Variants in TSHZ3 observed in about 807,000 individuals in gnomAD.
TSHZ3 encodes teashirt homolog 3.
A neutral mutation model predicts 64.5 loss-of-function variants in TSHZ3; 10 were observed. That is an observed-to-expected ratio of 0.16 (90% CI 0.10 to 0.26). The LOEUF is 0.26. TSHZ3 is among the 10% of genes least tolerant of loss of function. The probability of loss-of-function intolerance (pLI) is 1.00; values close to 1 mark genes in which losing one functional copy is unlikely to be tolerated. For synonymous variants in TSHZ3, 608 were observed against 593.1 expected (o/e 1.03, Z -0.36); for missense variants, 1,242 against 1,421.7 (o/e 0.87, Z 2.03).
intron 4 of TSHZ3, among the ~76,000 whole-genome samples, chr19:31,208,800 T>C (rs1975221448): frequency 6.6e-6 from 1 of 152,232 alleles, no homozygotes; most frequent in Non-Finnish European, 1.5e-5. Flanking sequence ...AACACACTCT[T>C]CCATGTGCAG....
intron 1 of TSHZ3, among the ~76,000 whole-genome samples, chr19:31,311,494 T>C (rs1378891822): frequency 6.6e-6 from 1 of 151,968 alleles, no homozygotes; most frequent in Admixed American, 6.5e-5. Flanking sequence ...TTGTTCCTTA[T>C]GGGAAGGAGA....
At position 31,278,539 on chromosome 19, in the gene TSHZ3, A is replaced by G. The variant is rs778547737; in HGVS notation, c.1254T>C (p.Ala418=). The G allele has an allele frequency of 5.0e-6, 8 of 1,613,942 alleles. No homozygotes were observed. In the Admixed American group the frequency reaches 1.3e-4, roughly 27 times the overall value. ...CCACAATGGGCTTCCCCTTTTTCAT[A>G]GCAGAGTTGGTGACCTTGATGAAGT... ...TGHFIKVTNS[A]MKKGKPIVET... Residue 418 remains alanine (A), a synonymous_variant, in exon 2 of 2, where the codon GCT becomes GCC. Coordinates refer to ENST00000240587, the MANE Select transcript of TSHZ3 (RefSeq NM_020856.4). The surrounding 1 kb of genome is among the most constrained non-coding windows in gnomAD (Gnocchi z 4.7).
chr19:31,274,905 C>T (rs777808723), downstream of TSHZ3: 4 of 152,056 alleles, frequency 2.6e-5, no homozygotes, highest in African/African-American at 9.7e-5. Flanking sequence ...GCTCGTTAGT[C>T]GTAGCACATT....
chr19:31,323,099 A>C (rs1254655166), intron 1 of TSHZ3, among the ~76,000 whole-genome samples: 1 of 152,226 alleles, frequency 6.6e-6, no homozygotes, highest in African/African-American at 2.4e-5. Flanking sequence ...CATTGGGTCA[A>C]GAGCATTTCT....
intron 4 of TSHZ3, among the ~76,000 whole-genome samples, chr19:31,212,031 T>C (rs1331740700): frequency 6.6e-6 from 1 of 152,104 alleles, no homozygotes; most frequent in Non-Finnish European, 1.5e-5. Context: ...TGAGAGCACT[T>C]TTAAGCTTTT....
intron 5 of TSHZ3, among the ~76,000 whole-genome samples, chr19:31,183,932 G>A (rs1974765026): frequency 6.6e-6 from 1 of 152,068 alleles, no homozygotes; most frequent in South Asian, 2.1e-4. Flanking sequence ...AGAAATTGCT[G>A]AGCAAAATCT....
At chr19:31,291,457 C>T (rs1976563808) in intron 1 of TSHZ3, among the ~76,000 whole-genome samples, 1 of 152,206 alleles carries the variant, frequency 6.6e-6, no homozygotes. Context: ...GCCAGAACGT[C>T]AGGAAGCTCT....
intron 1 of TSHZ3, among the ~76,000 whole-genome samples, chr19:31,247,041 A>G (rs1384397567): frequency 6.6e-6 from 1 of 152,216 alleles, no homozygotes; most frequent in Non-Finnish European, 1.5e-5. Flanking sequence ...AATAAATGAA[A>G]AAGAAGGAAA....
intron 4 of TSHZ3, among the ~76,000 whole-genome samples, chr19:31,224,149 G>A (rs1975428112): frequency 6.6e-6 from 1 of 152,182 alleles, no homozygotes; most frequent in South Asian, 2.1e-4. Flanking sequence ...ACAGGTTGGT[G>A]CCATTGTGTT....
intron 3 of TSHZ3, among the ~76,000 whole-genome samples, chr19:31,229,362 A>G (rs1183680883): frequency 2.6e-5 from 4 of 152,214 alleles, no homozygotes; most frequent in Non-Finnish European, 4.4e-5. Flanking sequence ...GGGCAGGTAG[A>G]AAGAACATTA....
chr19:31,248,133 ACCT>A (rs1016472314), intron 1 of TSHZ3, among the ~76,000 whole-genome samples: 5 of 152,014 alleles, frequency 3.3e-5, no homozygotes, highest in African/African-American at 1.2e-4. Flanking sequence ...TATGGGGGAA[ACCT>A]CCTGCACGAT....
At chr19:31,245,305 A>C (rs16965307) in intron 1 of TSHZ3, among the ~76,000 whole-genome samples, 2,722 of 152,216 alleles carry the variant, frequency 0.018, 84 homozygotes, top group African/African-American at 0.063. Context: ...TTCTCATTGG[A>C]TAGGCAAGGA....
intron 6 of TSHZ3, among the ~76,000 whole-genome samples, chr19:31,152,169 T>A (rs1225199970): frequency 6.6e-6 from 1 of 151,530 alleles, no homozygotes; most frequent in East Asian, 1.9e-4. Context: ...CACCATTGGG[T>A]TTTGCCTAGA....
At chr19:31,344,061 AC>A (rs1198753070) in intron 1 of TSHZ3, among the ~76,000 whole-genome samples, 1 of 152,240 alleles carries the variant, frequency 6.6e-6, no homozygotes, top group Non-Finnish European at 1.5e-5. Flanking sequence ...TTACAACTGC[AC>A]ATTATCTGTC....
At chr19:31,150,833 T>C (rs1974228999) in exon 7 of TSHZ3, among the ~76,000 whole-genome samples, 2 of 152,134 alleles carry the variant, frequency 1.3e-5, no homozygotes. Flanking sequence ...TGTCCCTCCA[T>C]AGATGGACCC....
intron 5 of TSHZ3, among the ~76,000 whole-genome samples, chr19:31,173,198 G>A (rs1974560732): frequency 6.6e-6 from 1 of 152,200 alleles, no homozygotes; most frequent in South Asian, 2.1e-4. Context: ...GTGGATGCGA[G>A]AATATTCTAA....
At chr19:31,350,684 G>A (rs2021694956), upstream of TSHZ3, among the ~76,000 whole-genome samples, 1 of 151,518 alleles carries the variant, frequency 6.6e-6, no homozygotes, top group African/African-American at 2.4e-5. Flanking sequence ...AGCTGGCTGG[G>A]CGGCGTGGGC....
At chr19:31,217,623 T>A (rs1429217254) in intron 4 of TSHZ3, among the ~76,000 whole-genome samples, 1 of 152,172 alleles carries the variant, frequency 6.6e-6, no homozygotes, top group Non-Finnish European at 1.5e-5. Flanking sequence ...GTCCTTTTGT[T>A]ACAACTGATG....
chr19:31,173,159 G>A (rs1023656706), intron 5 of TSHZ3, among the ~76,000 whole-genome samples: 1 of 152,190 alleles, frequency 6.6e-6, no homozygotes, highest in African/African-American at 2.4e-5. Flanking sequence ...ATAGCCTGGA[G>A]GTGAGGGACC....
Sources: allele counts gnomAD v4.1 joint callset (sites outside exome capture counted in the v4.1 genomes callset), GRCh38; gene constraint gnomAD v4.1.1; non-coding constraint Gnocchi (gnomAD v3.1); transcripts MANE v1.5; gene names NCBI Gene and HGNC (gene_info 2026-07-23, HGNC 2026-07-21).